The following PKP4 variants were observed in gnomAD, a reference collection of about 807,000 sequenced individuals.
The protein encoded by PKP4 is plakophilin-4.
Under a neutral mutation model 145.1 loss-of-function variants are expected in PKP4, and 90 were observed. The observed-to-expected ratio is 0.62, with a 90% CI of 0.52 to 0.74. The LOEUF (loss-of-function observed/expected upper bound fraction) is 0.74, where lower values mean the gene tolerates loss of function less well. Among genes scored for constraint, PKP4 ranks in the 30% least tolerant of loss-of-function variants. PKP4 has a pLI of 0.00. For synonymous variants in PKP4, 563 were observed against 577.2 expected (o/e 0.98, Z 0.35); for missense variants, 1,340 against 1,482.7 (o/e 0.90, Z 1.58).
intron 21 of PKP4, among the ~76,000 whole-genome samples, chr2:158,679,646 T>C (rs2058298645): frequency 6.6e-6 from 1 of 152,150 alleles, no homozygotes. Flanking sequence ...TTTGAAGAAA[T>C]TAGTGTGAGG....
At position 158,594,025 on chromosome 2, in the gene PKP4, A is replaced by G. The variant is rs376063807; in HGVS notation, c.246-9045A>G. Among the ~76,000 whole-genome samples the G allele has an allele frequency of 2.6e-5, 4 of 152,262 alleles. No individual in the cohort carries two copies. In the South Asian group the frequency reaches 6.2e-4, roughly 24 times the overall value. On this transcript the variant is annotated intron_variant, in intron 3 of 21. Coordinates refer to ENST00000389759, the MANE Select transcript of PKP4 (RefSeq NM_003628.6). ...CATTCTGAGCATGGCCAAGTTTTTC[A>G]GGTAAAGTGTCACTGAGGGAAATAT... is the stretch of plus-strand genomic sequence containing the variant.
chr2:158,513,242 T>C (rs1291578983), intron 1 of PKP4, among the ~76,000 whole-genome samples: 1 of 152,168 alleles, frequency 6.6e-6, no homozygotes, highest in African/African-American at 2.4e-5. Context: ...GTCCACCCAT[T>C]TCCGGTCTTA....
intron 2 of PKP4, among the ~76,000 whole-genome samples, chr2:158,571,011 G>A (rs3755407): frequency 0.028 from 4,241 of 152,204 alleles, 154 homozygotes; most frequent in East Asian, 0.14. Flanking sequence ...CCAGCCTTGG[G>A]TGAGAAAGGG....
chr2:158,512,486 G>C (rs189299819), intron 1 of PKP4, among the ~76,000 whole-genome samples: 8 of 152,348 alleles, frequency 5.3e-5, no homozygotes, highest in African/African-American at 1.9e-4. Flanking sequence ...CTGTCAATTA[G>C]AGCAGATTCT....
intron 1 of PKP4, among the ~76,000 whole-genome samples, chr2:158,501,388 G>C (rs1462795931): frequency 6.6e-6 from 1 of 152,184 alleles, no homozygotes; most frequent in East Asian, 1.9e-4. Flanking sequence ...TACATGCCAG[G>C]TTGGTTTATA....
chr2:158,533,643 T>C, intron 2 of PKP4: 1 of 378,920 alleles, frequency 2.6e-6, no homozygotes. Context: ...GACTTTTCTA[T>C]CAGGACTCTG....
Position 158,564,440 on chromosome 2 carries a change from G to T in PKP4, c.133-12831G>T, listed in dbSNP as rs548177606. Among the ~76,000 whole-genome samples, 15 of 152,148 alleles carry T rather than the reference G, an allele frequency of 9.9e-5. No individual in the cohort carries two copies. The East Asian group carries it at 1.2e-3, about 12-fold the overall frequency. ...TACTATGTGGATGGACATTCAAATT[G>T]TTTCAAATGATGCTGCAATTACTGT... On this transcript the variant is annotated intron_variant, in intron 2 of 21. Transcript: ENST00000389759.
chr2:158,473,295 A>G (rs1358960618), intron 1 of PKP4, among the ~76,000 whole-genome samples: 5 of 152,220 alleles, frequency 3.3e-5, no homozygotes, highest in Non-Finnish European at 5.9e-5. Flanking sequence ...CGACCCAGCA[A>G]TCCCACTACT....
chr2:158,570,120 T>C (rs1166977476), intron 2 of PKP4, among the ~76,000 whole-genome samples: 1 of 152,178 alleles, frequency 6.6e-6, no homozygotes, highest in Non-Finnish European at 1.5e-5. Flanking sequence ...ATTAAGTAAA[T>C]TGTGGTAGAT....
chr2:158,515,800 C>CT (rs1355834783), intron 1 of PKP4, among the ~76,000 whole-genome samples: 1 of 152,048 alleles, frequency 6.6e-6, no homozygotes, highest in African/African-American at 2.4e-5. Flanking sequence ...AATCCTAACA[C>CT]TTTGAGAGTC....
At chr2:158,602,556 T>C (rs1432421442) in intron 3 of PKP4, among the ~76,000 whole-genome samples, 6 of 152,204 alleles carry the variant, frequency 3.9e-5, no homozygotes, top group Non-Finnish European at 4.4e-5. Context: ...AATACATAGC[T>C]GTCACTTTAT....
chr2:158,516,904 G>A (rs1488746806), intron 1 of PKP4, among the ~76,000 whole-genome samples: 2 of 151,998 alleles, frequency 1.3e-5, no homozygotes, highest in South Asian at 2.1e-4. Context: ...CTCATGATCC[G>A]CCTGCCTCAG....
intron 2 of PKP4, among the ~76,000 whole-genome samples, chr2:158,552,538 G>C (rs1485824679): frequency 6.6e-6 from 1 of 151,730 alleles, no homozygotes; most frequent in Non-Finnish European, 1.5e-5. Context: ...ACAAAACGTT[G>C]GTAGAAATGT....
intron 1 of PKP4, among the ~76,000 whole-genome samples, chr2:158,465,310 A>G (rs11680160): frequency 0.086 from 13,160 of 152,288 alleles, 782 homozygotes; most frequent in Middle Eastern, 0.22. Context: ...GATATGCACT[A>G]ACCACTCTCA....
At chr2:158,636,756 T>G (rs1319092829) in intron 9 of PKP4, among the ~76,000 whole-genome samples, 1 of 152,204 alleles carries the variant, frequency 6.6e-6, no homozygotes, top group Admixed American at 6.5e-5. Context: ...GCCTTCAAAT[T>G]TAGTGTTCTT....
intron 3 of PKP4, among the ~76,000 whole-genome samples, chr2:158,582,675 G>C (rs2048432184): frequency 6.6e-6 from 1 of 152,170 alleles, no homozygotes; most frequent in South Asian, 2.1e-4. Context: ...ACATACTGCT[G>C]TATGATGAGG....
chr2:158,545,072 A>ATTTT (rs1559302413), intron 2 of PKP4, among the ~76,000 whole-genome samples: 15 of 35,676 alleles, frequency 4.2e-4, no homozygotes, highest in East Asian at 3.1e-3. Flanking sequence ...TAAGTCTTTC[A>ATTTT]CTTTTTTTTT....
At chr2:158,545,110 G>C (rs552360501) in intron 2 of PKP4, among the ~76,000 whole-genome samples, 29 of 99,274 alleles carry the variant, frequency 2.9e-4, no homozygotes, top group African/African-American at 1.1e-3. Context: ...GAGCCACTGG[G>C]CACAAGGCAG....
intron 2 of PKP4, among the ~76,000 whole-genome samples, chr2:158,545,540 CTAA>C (rs1215955562): frequency 1.3e-5 from 2 of 152,244 alleles, no homozygotes; most frequent in East Asian, 1.9e-4. Context: ...TAGGATTTTC[CTAA>C]TAATACTTGC....
Sources: allele counts gnomAD v4.1 joint callset (sites outside exome capture counted in the v4.1 genomes callset), GRCh38; gene constraint gnomAD v4.1.1; transcripts MANE v1.5; gene names NCBI Gene and HGNC (gene_info 2026-07-23, HGNC 2026-07-21).